Variants in FRMPD3 observed in about 807,000 individuals in gnomAD.
FRMPD3 encodes the protein FERM and PDZ domain-containing protein 3.
Under a neutral mutation model 97.9 loss-of-function variants are expected in FRMPD3, and 42 were observed. That is an observed-to-expected ratio of 0.43 (90% confidence interval 0.34 to 0.55). The LOEUF is 0.55. Among genes scored for constraint, FRMPD3 ranks in the 20% least tolerant of loss-of-function variants. The pLI is 0.03. For missense variants in FRMPD3, 1,303 were observed against 1,457.7 expected (o/e 0.89, Z 1.73); for synonymous variants, 577 against 581.1 (o/e 0.99, Z 0.10).
chrX:107,503,059 T>TG (rs1280943002), intron 1 of FRMPD3, among the ~76,000 whole-genome samples: 5 of 109,484 alleles, frequency 4.6e-5, no homozygotes, highest in African/African-American at 1.0e-4. Context: ...ATGGGGGGAA[T>TG]GGGGGGGTTT....
At chrX:107,588,091 C>G (rs1411853903) in intron 13 of FRMPD3, among the ~76,000 whole-genome samples, 1 of 111,570 alleles carries the variant, frequency 9.0e-6, no homozygotes, top group Non-Finnish European at 1.9e-5. Flanking sequence ...CCAGTCTCTT[C>G]TGCCTTTTAG....
intron 3 of FRMPD3, among the ~76,000 whole-genome samples, chrX:107,532,838 G>A (rs953814225): frequency 8.9e-6 from 1 of 112,711 alleles, no homozygotes; most frequent in East Asian, 2.8e-4. Context: ...TCTTTTAAAA[G>A]ATTATGTATT....
intron 1 of FRMPD3, among the ~76,000 whole-genome samples, chrX:107,515,325 A>G (rs1922283308): frequency 9.0e-6 from 1 of 111,710 alleles, no homozygotes; most frequent in African/African-American, 3.3e-5. Context: ...GTTGGAGGAC[A>G]GTCTGGAGGT....
chrX:107,545,026 G>A (rs1052662664), intron 4 of FRMPD3: 1 of 111,992 alleles, frequency 8.9e-6, no homozygotes, highest in African/African-American at 3.3e-5. Flanking sequence ...GTTGCAGTGA[G>A]CCGAGATTGC....
At chrX:107,525,731 C>T (rs1382776202) in intron 1 of FRMPD3, 1 of 539,468 alleles carries the variant, frequency 1.9e-6, no homozygotes, top group African/African-American at 2.3e-5. Flanking sequence ...ATATATGCTA[C>T]TTAAATCATT....
At chrX:107,533,413 A>G in intron 3 of FRMPD3, 92 bp from the exon 4 acceptor site, 2 of 799,966 alleles carry the variant, frequency 2.5e-6, no homozygotes, top group Non-Finnish European at 3.7e-6. Context: ...ATACCTGAAT[A>G]AAGCCAGGGG....
chrX:107,560,148 C>T, intron 8 of FRMPD3, 109 bp from the exon 9 acceptor site: 1 of 947,961 alleles, frequency 1.1e-6, no homozygotes, highest in East Asian at 3.2e-5. Flanking sequence ...CTTGATCTAG[C>T]ATGCCTTACT....
At chrX:107,562,009 C>G (rs960930137) in intron 10 of FRMPD3, among the ~76,000 whole-genome samples, 17 of 112,165 alleles carry the variant, frequency 1.5e-4, no homozygotes, top group Non-Finnish European at 1.7e-4. Context: ...TCTGGAAGCA[C>G]AGAGGAAGAA....
chrX:107,594,170 T>C (rs1272616598), intron 13 of FRMPD3, among the ~76,000 whole-genome samples: 1 of 111,896 alleles, frequency 8.9e-6, no homozygotes, highest in Non-Finnish European at 1.9e-5. Context: ...TGGTCACTGT[T>C]GGTGTATAGC....
At chrX:107,501,621 C>T (rs898259457) in intron 1 of FRMPD3, among the ~76,000 whole-genome samples, 3 of 102,215 alleles carry the variant, frequency 2.9e-5, no homozygotes, top group Non-Finnish European at 4.0e-5. Flanking sequence ...GTAAAAAATA[C>T]TGACATAGGG....
chrX:107,560,540 C>A, intron 9 of FRMPD3, 147 bp downstream of exon 9: 1 of 894,760 alleles, frequency 1.1e-6, no homozygotes, highest in African/African-American at 2.0e-5. Context: ...ACTATGAAGC[C>A]CTAGAGCTAC....
At chrX:107,479,641 G>C (rs1031447908) in intron 1 of FRMPD3, among the ~76,000 whole-genome samples, 3 of 110,057 alleles carry the variant, frequency 2.7e-5, no homozygotes, top group African/African-American at 9.9e-5. Flanking sequence ...ACAGCATTTA[G>C]ATATAAATAG....
At chrX:107,577,598 G>A (rs1253542192) in intron 13 of FRMPD3, among the ~76,000 whole-genome samples, 1 of 109,621 alleles carries the variant, frequency 9.1e-6, no homozygotes, top group Non-Finnish European at 1.9e-5. Flanking sequence ...GCAGTGAGCC[G>A]AGATCCCGCC....
chrX:107,465,775 TAAAGTTTAAATATTAAGGACTGTTATG>T (rs1271055177), intron 1 of FRMPD3, among the ~76,000 whole-genome samples: 2 of 110,621 alleles, frequency 1.8e-5, no homozygotes, highest in Non-Finnish European at 3.8e-5. Flanking sequence ...AGTCACTGTT[TAAAGTTTAAATATTAAGGACTGTTATG>T]AAATGCAACT....
At chrX:107,486,837 A>G (rs1921517929) in intron 1 of FRMPD3, among the ~76,000 whole-genome samples, 1 of 111,753 alleles carries the variant, frequency 8.9e-6, no homozygotes, top group Non-Finnish European at 1.9e-5. Flanking sequence ...AAAAAGAAAT[A>G]AGTAAAAACT....
chrX:107,531,784 G>A (rs1922979926), intron 3 of FRMPD3, among the ~76,000 whole-genome samples: 1 of 111,659 alleles, frequency 9.0e-6, no homozygotes, highest in Admixed American at 9.5e-5. Flanking sequence ...GGCATGTTGG[G>A]TTTTTTTCAG....
At chrX:107,489,382 C>G (rs1002923773) in intron 1 of FRMPD3, among the ~76,000 whole-genome samples, 1 of 111,514 alleles carries the variant, frequency 9.0e-6, no homozygotes, top group African/African-American at 3.3e-5. Context: ...AATGGTATTT[C>G]TAGTTCTAGA....
Position 107,495,359 on chromosome X carries a change from C to G in FRMPD3, c.-7-31223C>G, listed in dbSNP as rs186644423. Among the ~76,000 whole-genome samples the G allele has an allele frequency of 3.4e-3, 381 of 112,150 alleles. 4 individuals are homozygous for G. Among genetic ancestry groups the G allele is most frequent in the African/African-American group, 0.012 (362 of 30,915 alleles). On this transcript the variant is annotated intron_variant, in intron 1 of 14. Transcript: ENST00000683843. ...CTTTCCTTGCTGTATTTTTTCCAAA[C>G]CACTTATTCTCTGAACTGTCTCATA...
intron 1 of FRMPD3, among the ~76,000 whole-genome samples, chrX:107,465,067 G>T (rs771485261): frequency 5.3e-5 from 6 of 112,194 alleles, no homozygotes; most frequent in Non-Finnish European, 5.6e-5. Flanking sequence ...GGGGTTTAGA[G>T]AATGGAGTTT....
Sources: gnomAD v4.1 joint callset for allele counts (sites outside exome capture counted in the v4.1 genomes callset) on GRCh38, gnomAD v4.1.1 for gene constraint, MANE v1.5 for transcripts, NCBI Gene and HGNC (gene_info 2026-07-23, HGNC 2026-07-21) for gene names.